Variants in CDC5L observed in about 807,000 individuals in gnomAD.
CDC5L encodes the protein cell division cycle 5 like, also known as cell division cycle 5-like protein.
In CDC5L, 18 loss-of-function variants were observed where a neutral mutation model predicts 104.1. That is an observed-to-expected ratio of 0.17 (90% confidence interval 0.12 to 0.26). The LOEUF (loss-of-function observed/expected upper bound fraction) is 0.26. Among genes scored for constraint, CDC5L ranks in the 10% least tolerant of loss-of-function variants. The probability of loss-of-function intolerance (pLI) is 1.00; values close to 1 mark genes in which losing one functional copy is unlikely to be tolerated. For synonymous variants in CDC5L, 331 were observed against 322.7 expected, an observed-to-expected ratio of 1.03 and a Z score of -0.28; for missense variants, 673 against 956.9, an observed-to-expected ratio of 0.70 and a Z score of 3.91.
intron 4 of CDC5L, 46 bp from the exon 5 acceptor site, chr6:44,396,295 T>C (rs1177322655): frequency 7.7e-7 from 1 of 1,305,552 alleles, no homozygotes; most frequent in Admixed American, 1.9e-5. Context: ...CTAGAGTATG[T>C]AAGAACTAAG....
At chr6:44,415,685 A>T (rs1411095159) in intron 8 of CDC5L, among the ~76,000 whole-genome samples, 1 of 152,136 alleles carries the variant, frequency 6.6e-6, no homozygotes, top group Non-Finnish European at 1.5e-5. Context: ...TCTCTTGCAC[A>T]CATCATTCTG....
intron 6 of CDC5L, among the ~76,000 whole-genome samples, chr6:44,404,809 C>G (rs1463110977): frequency 6.6e-6 from 1 of 152,156 alleles, no homozygotes; most frequent in African/African-American, 2.4e-5. Flanking sequence ...CCTTCCACCT[C>G]AACCTCTCAA....
chr6:44,392,416 G>C (rs776583117), intron 2 of CDC5L, among the ~76,000 whole-genome samples: 1 of 151,932 alleles, frequency 6.6e-6, no homozygotes, highest in African/African-American at 2.4e-5. Flanking sequence ...GAGAAAGAAG[G>C]CTTATGATCA....
At chr6:44,398,242 T>A (rs1282407706) in intron 5 of CDC5L, among the ~76,000 whole-genome samples, 2 of 152,288 alleles carry the variant, frequency 1.3e-5, no homozygotes, top group Admixed American at 1.3e-4. Context: ...CACCTCTCTA[T>A]TCTGTATACT....
rs1486563845 is a variant in CDC5L at position 44,449,017 on chromosome 6, C to T, written c.*2306C>T. ...ATTTTCCCACATTAAATCATCTTTG[C>T]ACTCCTGGAATCAGGTAGATTAATT... On this transcript the variant is annotated 3_prime_UTR_variant, in exon 16 of 16. Coordinates refer to ENST00000371477, the MANE Select transcript of CDC5L (RefSeq NM_001253.4). 1 of 152,130 alleles carries T rather than the reference C, an allele frequency of 6.6e-6. No individual in the cohort carries two copies. Among genetic ancestry groups the T allele is most frequent in the Non-Finnish European group, 1.5e-5 (1 of 68,010 alleles). 9.4% of individuals were successfully genotyped at this position (152,130 alleles called of 1,614,324 possible).
intron 8 of CDC5L, among the ~76,000 whole-genome samples, chr6:44,416,743 G>A (rs569208693): frequency 1.1e-4 from 16 of 152,258 alleles, no homozygotes; most frequent in African/African-American, 3.9e-4. Context: ...CACTCCTTTA[G>A]CCACACCATT....
intron 8 of CDC5L, among the ~76,000 whole-genome samples, chr6:44,417,275 G>T (rs933284080): frequency 6.6e-6 from 1 of 152,176 alleles, no homozygotes; most frequent in Non-Finnish European, 1.5e-5. Flanking sequence ...TGGGAATGTG[G>T]AGTGAATCTG....
At chr6:44,403,291 AT>A (rs1791213928) in intron 5 of CDC5L, among the ~76,000 whole-genome samples, 2 of 151,562 alleles carry the variant, frequency 1.3e-5, no homozygotes, top group African/African-American at 4.8e-5. Context: ...TGCTTTGTGA[AT>A]TGTTTCCTTT....
intron 1 of CDC5L, 136 bp downstream of exon 1, chr6:44,388,004 G>A: frequency 1.4e-6 from 1 of 740,528 alleles, no homozygotes; most frequent in African/African-American, 1.8e-5. Context: ...TGACCCTTGG[G>A]GCCCTTTCCG....
In CDC5L at chr6:44,393,362, A is replaced by G. The variant is rs1237219814; in HGVS notation, c.312-84A>G. On this transcript the variant is annotated intron_variant, in intron 3 of 15. Transcript: ENST00000371477. ...CATCCATTGGTTTTTTTGGGGGGAA[A>G]AATATCGTCAGAACTTGGAAATCTG... 8.2e-6 allele frequency: 11 copies of G among 1,338,220 alleles called. No individual in the cohort carries two copies. The Admixed American group carries it at 2.3e-4, about 28-fold the overall frequency. The allele number at this position is 1,338,220 out of a possible 1,614,324, so 82.9% of individuals were successfully genotyped here. A position where few individuals can be genotyped will look rare whatever the true frequency, so the allele number is the denominator to read the frequency against.
At chr6:44,440,143 T>C (rs1793113520) in intron 14 of CDC5L, among the ~76,000 whole-genome samples, 1 of 152,158 alleles carries the variant, frequency 6.6e-6, no homozygotes, top group African/African-American at 2.4e-5. Context: ...TTAAAGGAGC[T>C]TCTTCATTTA....
chr6:44,403,929 T>C lies in CDC5L; in HGVS notation c.660T>C (p.Pro220=), dbSNP rs920299057. ...YNAEIPFEKK[P]ALGFYDTSEE... Reference sequence around the variant, plus strand: ...CCGAAATCCCATTTGAAAAAAAGCCTGCCCTTGGTTTTTATGATACTTCTG... The same window carrying C: ...CCGAAATCCCATTTGAAAAAAAGCCCGCCCTTGGTTTTTATGATACTTCTG... Residue 220 remains proline (P), a synonymous_variant, in exon 6 of 16, where the codon CCT becomes CCC. Transcript: ENST00000371477. 1 of 1,613,778 alleles carries C rather than the reference T, an allele frequency of 6.2e-7. No homozygotes were observed. Among genetic ancestry groups the C allele is most frequent in the Non-Finnish European group, 8.5e-7 (1 of 1,179,862 alleles).
intron 1 of CDC5L, among the ~76,000 whole-genome samples, chr6:44,388,904 A>G (rs1018976846): frequency 1.4e-5 from 2 of 145,942 alleles, no homozygotes; most frequent in Non-Finnish European, 3.0e-5. Context: ...TGAAAGCCTC[A>G]GTTTTCTACT....
At chr6:44,410,843 A>G (rs527526142) in intron 8 of CDC5L, among the ~76,000 whole-genome samples, 3 of 151,764 alleles carry the variant, frequency 2.0e-5, no homozygotes, top group Non-Finnish European at 4.4e-5. Context: ...CCTTTCATTG[A>G]TCTCTTTATG....
chr6:44,393,060 A>C (rs1242657378), intron 3 of CDC5L, among the ~76,000 whole-genome samples: 1 of 152,130 alleles, frequency 6.6e-6, no homozygotes, highest in East Asian at 1.9e-4. Flanking sequence ...ATGCATGTTC[A>C]TCATAGAAAA....
In CDC5L at chr6:44,419,449, G is replaced by A. The variant is rs1182044774; in HGVS notation, c.1093G>A (p.Glu365Lys). 2 of 1,611,776 alleles carry A rather than the reference G, an allele frequency of 1.2e-6. No individual in the cohort carries two copies. Among genetic ancestry groups the A allele is most frequent in the Non-Finnish European group, 1.7e-6 (2 of 1,179,396 alleles). Residue 365 changes from glutamate to lysine, a missense_variant and splice_region_variant, in exon 9 of 16, where the codon GAA becomes AAA. Glu to Lys is a moderately conservative substitution (Grantham distance 56). This residue lies in a region of CDC5L where 578 missense variants were observed against 737.0 expected (regional missense o/e 0.78). Transcript: ENST00000371477. ...TPASQDRILQ[E>K]AQNLMALTNV... ...GCTTCTTTGTCTTCTTGTTAATCAG[G>A]AAGCCCAGAACCTCATGGCCCTCAC...
chr6:44,412,851 C>T (rs1218670313), intron 8 of CDC5L, among the ~76,000 whole-genome samples: 1 of 134,466 alleles, frequency 7.4e-6, no homozygotes, highest in Non-Finnish European at 1.5e-5. Flanking sequence ...GGCGGGATCT[C>T]GGCTCACTGC....
chr6:44,417,746 A>G (rs1180391866), intron 8 of CDC5L, among the ~76,000 whole-genome samples: 1 of 152,156 alleles, frequency 6.6e-6, no homozygotes, highest in Non-Finnish European at 1.5e-5. Context: ...GACCCCCACA[A>G]GTTGTTTTCT....
At chr6:44,433,651 A>C (rs1184641073) in intron 14 of CDC5L, among the ~76,000 whole-genome samples, 1 of 152,220 alleles carries the variant, frequency 6.6e-6, no homozygotes, top group African/African-American at 2.4e-5. Flanking sequence ...TTACTGGCAC[A>C]GTCAACTGTA....
Sources: gnomAD v4.1 joint callset for allele counts (sites outside exome capture counted in the v4.1 genomes callset) on GRCh38, gnomAD v4.1.1 for gene constraint, gnomAD v4.1.1 regional missense constraint, MANE v1.5 for transcripts, NCBI Gene and HGNC (gene_info 2026-07-23, HGNC 2026-07-21) for gene names.